Variants in OSTN observed in about 807,000 individuals in gnomAD.
The protein encoded by OSTN is osteocrin.
In OSTN, 9 loss-of-function variants were observed where a neutral mutation model predicts 12.0. The ratio of observed to expected loss-of-function variants is 0.75; its 90% CI spans 0.45 to 1.30. The LOEUF (loss-of-function observed/expected upper bound fraction) is 1.30. OSTN is among the 50% of genes most tolerant of loss of function. OSTN has a pLI of 0.00. For synonymous variants in OSTN, 59 were observed against 56.9 expected, an observed-to-expected ratio of 1.04 and a Z score of -0.16; for missense variants, 148 against 152.3, an observed-to-expected ratio of 0.97 and a Z score of 0.15.
chr3:191,263,069 T>G lies in OSTN; in HGVS notation c.*216T>G. The G allele has an allele frequency of 2.0e-6, 1 of 494,818 alleles. No homozygotes were observed. The highest frequency in any genetic ancestry group is 3.1e-5 in the East Asian group (1 of 32,606). The allele number at this position is 494,818 out of a possible 1,614,324, so 30.7% of individuals were successfully genotyped here. ...TTTTGATGCACGTACATTTTAAAAT[T>G]ATATATTTTAATTATTCAAGAATGG... On this transcript the variant is annotated 3_prime_UTR_variant, in exon 5 of 5. Transcript: ENST00000682035.
At chr3:191,215,071 T>C (rs1714572807) in intron 2 of OSTN, among the ~76,000 whole-genome samples, 1 of 152,218 alleles carries the variant, frequency 6.6e-6, no homozygotes, top group African/African-American at 2.4e-5. Flanking sequence ...AGAGATTTAA[T>C]TGACTTATAG....
chr3:191,236,350 A>G (rs1715187885), intron 3 of OSTN, among the ~76,000 whole-genome samples: 1 of 152,174 alleles, frequency 6.6e-6, no homozygotes, highest in Non-Finnish European at 1.5e-5. Context: ...GGGGTCCCGA[A>G]CCAGACCCCA....
chr3:191,209,236 C>T (rs368920434), intron 1 of OSTN, among the ~76,000 whole-genome samples: 2 of 152,252 alleles, frequency 1.3e-5, no homozygotes, highest in East Asian at 3.9e-4. Flanking sequence ...AGTACATCCT[C>T]CTTTATGTAA....
intron 4 of OSTN, among the ~76,000 whole-genome samples, chr3:191,252,043 G>T (rs1185880498): frequency 6.6e-6 from 1 of 151,822 alleles, no homozygotes; most frequent in Non-Finnish European, 1.5e-5. Context: ...ATTATACAGA[G>T]AACTCATTTT....
intron 1 of OSTN, among the ~76,000 whole-genome samples, chr3:191,203,029 G>A (rs1352800606): frequency 1.3e-5 from 2 of 152,206 alleles, no homozygotes; most frequent in Non-Finnish European, 2.9e-5. Flanking sequence ...ACTTTCATTA[G>A]AATGAGAATC....
chr3:191,217,709 A>T (rs1159418481), intron 2 of OSTN, among the ~76,000 whole-genome samples: 1 of 152,218 alleles, frequency 6.6e-6, no homozygotes, highest in African/African-American at 2.4e-5. Flanking sequence ...GAAATTTTAC[A>T]TGGGGCACAA....
intron 1 of OSTN, among the ~76,000 whole-genome samples, chr3:191,203,088 A>T (rs896522611): frequency 1.3e-5 from 2 of 152,224 alleles, no homozygotes; most frequent in African/African-American, 4.8e-5. Flanking sequence ...CATGAACTTC[A>T]TCACATTTTA....
chr3:191,251,943 T>G (rs879719397), intron 4 of OSTN, among the ~76,000 whole-genome samples: 7 of 152,236 alleles, frequency 4.6e-5, no homozygotes, highest in Non-Finnish European at 1.0e-4. Context: ...TTAATTAACT[T>G]TGATTGGTTT....
intron 1 of OSTN, among the ~76,000 whole-genome samples, chr3:191,201,013 A>G (rs565258641): frequency 6.6e-6 from 1 of 152,262 alleles, no homozygotes; most frequent in African/African-American, 2.4e-5. Flanking sequence ...AAGCTACAAC[A>G]AGGTGCTAAC....
In OSTN at chr3:191,232,331, T is replaced by TAAAAAAAAAAAAA. The variant is rs61313474; in HGVS notation, c.317+13388_317+13400dup. 2.1e-4 allele frequency among the ~76,000 whole-genome samples: 14 copies of TAAAAAAAAAAAAA among 67,490 alleles called. 1 individual carries two copies. Among genetic ancestry groups the TAAAAAAAAAAAAA allele is most frequent in the African/African-American group, 1.1e-3 (13 of 11,382 alleles). The allele number at this position is 67,490 out of a possible 152,430, so 44.3% of individuals were successfully genotyped here. A position where few individuals can be genotyped will look rare whatever the true frequency, so the allele number is the denominator to read the frequency against. On this transcript the variant is annotated intron_variant, in intron 3 of 4. Coordinates refer to ENST00000682035, the MANE Select transcript of OSTN (RefSeq NM_198184.2). Reference sequence around the variant, plus strand: ...CTGGGTGACAGAGGGAGACTCTGTCTAAAAAAAAAAAAAAAAAAAAAAAAA... The same window carrying TAAAAAAAAAAAAA: ...CTGGGTGACAGAGGGAGACTCTGTCTAAAAAAAAAAAAAAAAAAAAAAAAAAAAAAAAAAAAAA...
chr3:191,240,167 C>T (rs1715286909), intron 3 of OSTN, among the ~76,000 whole-genome samples: 1 of 152,138 alleles, frequency 6.6e-6, no homozygotes, highest in African/African-American at 2.4e-5. Context: ...TCCTATCATT[C>T]TGGAATTTGA....
intron 3 of OSTN, among the ~76,000 whole-genome samples, 175 bp from the exon 4 acceptor site, chr3:191,249,862 C>G (rs537252414): frequency 2.6e-5 from 4 of 152,242 alleles, no homozygotes; most frequent in African/African-American, 9.6e-5. Context: ...TCTACTCCCA[C>G]AGATGTTGAA....
At chr3:191,238,765 T>C (rs1715257796) in intron 3 of OSTN, among the ~76,000 whole-genome samples, 2 of 152,210 alleles carry the variant, frequency 1.3e-5, no homozygotes, top group African/African-American at 4.8e-5. Context: ...GACTGTTCTT[T>C]ACTGCAGTCC....
At chr3:191,250,207 T>G (rs1560124695) in intron 4 of OSTN, 74 bp downstream of exon 4, 1 of 1,157,156 alleles carries the variant, frequency 8.6e-7, no homozygotes, top group African/African-American at 1.5e-5. Flanking sequence ...AATCAATCCA[T>G]TCTTGCTTAT....
chr3:191,206,562 C>T (rs1576921322), intron 1 of OSTN, among the ~76,000 whole-genome samples: 1 of 152,192 alleles, frequency 6.6e-6, no homozygotes, highest in African/African-American at 2.4e-5. Context: ...ATTCTCATTA[C>T]CTACATGTTA....
intron 1 of OSTN, among the ~76,000 whole-genome samples, chr3:191,210,162 G>T (rs983178108): frequency 1.3e-5 from 2 of 152,334 alleles, no homozygotes; most frequent in Admixed American, 1.3e-4. Context: ...AAAAAGAGAG[G>T]AGAGGTGCTA....
intron 3 of OSTN, among the ~76,000 whole-genome samples, chr3:191,248,432 A>G (rs1715487035): frequency 6.6e-6 from 1 of 152,224 alleles, no homozygotes; most frequent in Non-Finnish European, 1.5e-5. Context: ...GTTTTCATTC[A>G]TGTTTAGCGT....
At chr3:191,234,763 A>T (rs1459896834) in intron 3 of OSTN, among the ~76,000 whole-genome samples, 1 of 151,404 alleles carries the variant, frequency 6.6e-6, no homozygotes, top group African/African-American at 2.4e-5. Context: ...TCAGGAGCAT[A>T]CTCCCGGGAA....
At chr3:191,258,059 A>C (rs1030799897) in intron 4 of OSTN, among the ~76,000 whole-genome samples, 11 of 152,354 alleles carry the variant, frequency 7.2e-5, no homozygotes, top group African/African-American at 2.6e-4. Flanking sequence ...TGTAAATGGA[A>C]AAATTTAAGG....
Sources: gnomAD v4.1 joint callset for allele counts (sites outside exome capture counted in the v4.1 genomes callset) on GRCh38, gnomAD v4.1.1 for gene constraint, MANE v1.5 for transcripts, NCBI Gene and HGNC (gene_info 2026-07-23, HGNC 2026-07-21) for gene names.